The following GRIA2 variants were observed in gnomAD, a reference collection of about 807,000 sequenced individuals.
GRIA2 encodes glutamate ionotropic receptor AMPA type subunit 2.
Under a neutral mutation model 97.3 loss-of-function variants are expected in GRIA2, and 14 were observed. That is an observed-to-expected ratio of 0.14 (90% confidence interval 0.10 to 0.23). The LOEUF (loss-of-function observed/expected upper bound fraction) is 0.23. Ranked by LOEUF, GRIA2 falls within the 10% of genes least tolerant of loss-of-function variation. The pLI, the probability that GRIA2 is intolerant of heterozygous loss-of-function variation, is 1.00. For synonymous variants in GRIA2, 412 were observed against 387.8 expected, an observed-to-expected ratio of 1.06 and a Z score of -0.73; for missense variants, 558 against 1,069.8, an observed-to-expected ratio of 0.52 and a Z score of 6.67.
At chr4:157,322,662 T>C (rs1421488527) in intron 6 of GRIA2, among the ~76,000 whole-genome samples, 1 of 152,012 alleles carries the variant, frequency 6.6e-6, no homozygotes, top group African/African-American at 2.4e-5. Context: ...AAAGAGTGAG[T>C]GGGTTGAAAG....
intron 2 of GRIA2, among the ~76,000 whole-genome samples, chr4:157,251,905 G>A (rs1218909214): frequency 6.6e-6 from 1 of 152,020 alleles, no homozygotes; most frequent in Admixed American, 6.6e-5. Context: ...AGGCATTCTT[G>A]AGACCCTATA....
At chr4:157,257,908 C>G (rs1337742874) in intron 2 of GRIA2, among the ~76,000 whole-genome samples, 1 of 152,076 alleles carries the variant, frequency 6.6e-6, no homozygotes, top group African/African-American at 2.4e-5. Flanking sequence ...TATTAATTCA[C>G]CAAATTAATA....
chr4:157,365,371 T>C lies in GRIA2; in HGVS notation c.*1940T>C, dbSNP rs1194484994. ...CCAAATTGCAGACTAATTGTTTCCA[T>C]ATTGTACTTAAAATGAGTTTTTAAA... On this transcript the variant is annotated 3_prime_UTR_variant, in exon 16 of 16. Transcript: ENST00000264426. 1 of 151,986 alleles carries C rather than the reference T, an allele frequency of 6.6e-6. No individual in the cohort carries two copies. The highest frequency in any genetic ancestry group is 2.4e-5 in the African/African-American group (1 of 41,388). The allele number at this position is 151,986 out of a possible 1,614,324, so 9.4% of individuals were successfully genotyped here. A position where few individuals can be genotyped will look rare whatever the true frequency, so the allele number is the denominator to read the frequency against.
chr4:157,353,438 A>G (rs1173618451), intron 12 of GRIA2, among the ~76,000 whole-genome samples: 1 of 152,130 alleles, frequency 6.6e-6, no homozygotes, highest in Non-Finnish European at 1.5e-5. Context: ...TGGGAGGCCA[A>G]GGTGGGCGGA....
chr4:157,344,501 G>T (rs372175523), intron 12 of GRIA2, among the ~76,000 whole-genome samples: 3 of 152,034 alleles, frequency 2.0e-5, no homozygotes, highest in East Asian at 3.9e-4. Context: ...TGCTTACTTT[G>T]TTCTCTGCCC....
chr4:157,278,237 C>G (rs1732436411), intron 2 of GRIA2, among the ~76,000 whole-genome samples: 1 of 151,716 alleles, frequency 6.6e-6, no homozygotes, highest in Non-Finnish European at 1.5e-5. Context: ...TACAAAGTTA[C>G]AGTAATCAAG....
chr4:157,298,296 C>T (rs1733443327), intron 2 of GRIA2, among the ~76,000 whole-genome samples: 1 of 151,996 alleles, frequency 6.6e-6, no homozygotes, highest in Non-Finnish European at 1.5e-5. Context: ...AAACCTAGAA[C>T]AGTGCATAGT....
chr4:157,321,675 G>A, intron 6 of GRIA2, 76 bp downstream of exon 6: 2 of 992,550 alleles, frequency 2.0e-6, no homozygotes, highest in East Asian at 2.4e-5. Flanking sequence ...TAAGGAGGAA[G>A]GAGAAAATAA....
intron 2 of GRIA2, among the ~76,000 whole-genome samples, chr4:157,278,565 T>C (rs1054131199): frequency 1.3e-5 from 2 of 152,024 alleles, no homozygotes; most frequent in African/African-American, 2.4e-5. Flanking sequence ...GGCATGTTGA[T>C]TACTTTTAGG....
At chr4:157,250,564 T>A (rs79833668) in intron 2 of GRIA2, among the ~76,000 whole-genome samples, 3,642 of 152,194 alleles carry the variant, frequency 0.024, 78 homozygotes, top group Non-Finnish European at 0.034. Flanking sequence ...GATTCAAAGA[T>A]ATAAATGGGG....
intron 9 of GRIA2, 133 bp from the exon 10 acceptor site, chr4:157,335,538 T>C (rs2126937989): frequency 1.6e-6 from 1 of 640,420 alleles, no homozygotes; most frequent in South Asian, 1.9e-5. Context: ...TCCTCTACTG[T>C]TGTGTGTTCA....
intron 2 of GRIA2, among the ~76,000 whole-genome samples, chr4:157,286,977 T>C (rs1732875067): frequency 1.3e-5 from 2 of 151,630 alleles, no homozygotes. Flanking sequence ...AAATTTAAAA[T>C]ATTTTTTTGA....
chr4:157,236,668 G>A (rs1162359812), intron 2 of GRIA2, among the ~76,000 whole-genome samples: 1 of 152,142 alleles, frequency 6.6e-6, no homozygotes, highest in Non-Finnish European at 1.5e-5. Context: ...GAGTGTATGA[G>A]TATGTCTGTT....
At chr4:157,298,711 A>G (rs1733474072) in intron 2 of GRIA2, among the ~76,000 whole-genome samples, 1 of 148,344 alleles carries the variant, frequency 6.7e-6, no homozygotes, top group African/African-American at 2.5e-5. Context: ...ACCAAAACAT[A>G]GTAGATAAAA....
chr4:157,360,371 T>G (rs3813296), intron 13 of GRIA2, among the ~76,000 whole-genome samples: 65,024 of 152,012 alleles, frequency 0.43, 16,500 homozygotes, highest in African/African-American at 0.72. Flanking sequence ...CATATCCTTT[T>G]TTTTTTCCTT....
At chr4:157,336,267 A>T in intron 10 of GRIA2, 110 bp from the exon 11 acceptor site, 1 of 904,474 alleles carries the variant, frequency 1.1e-6, no homozygotes, top group Non-Finnish European at 1.7e-6. Context: ...GGAAAAAATT[A>T]TTGTCATTTT....
At chr4:157,326,723 T>C (rs1734818029) in intron 6 of GRIA2, among the ~76,000 whole-genome samples, 2 of 152,182 alleles carry the variant, frequency 1.3e-5, no homozygotes, top group South Asian at 4.1e-4. Flanking sequence ...AGGCTTTAGG[T>C]TGAACAGAAA....
At chr4:157,352,499 C>G (rs866054771) in intron 12 of GRIA2, among the ~76,000 whole-genome samples, 1 of 151,526 alleles carries the variant, frequency 6.6e-6, no homozygotes, top group South Asian at 2.1e-4. Flanking sequence ...AGGTGGATCA[C>G]GAGGTCAGGA....
intron 12 of GRIA2, among the ~76,000 whole-genome samples, chr4:157,357,210 C>T (rs62332462): frequency 0.075 from 11,407 of 152,046 alleles, 572 homozygotes; most frequent in South Asian, 0.12. Context: ...CATCAGATTC[C>T]TCTAATTCTT....
Sources: gnomAD v4.1 joint callset for allele counts (sites outside exome capture counted in the v4.1 genomes callset) on GRCh38, gnomAD v4.1.1 for gene constraint, MANE v1.5 for transcripts, NCBI Gene and HGNC (gene_info 2026-07-23, HGNC 2026-07-21) for gene names.